WDR17: variants seen among roughly 807,000 people sequenced by gnomAD.
The protein encoded by WDR17 is WD repeat domain 17.
Under a neutral mutation model 161.7 loss-of-function variants are expected in WDR17, and 143 were observed. The ratio of observed to expected loss-of-function variants is 0.88; its 90% CI spans 0.77 to 1.02. WDR17 has a LOEUF of 1.02. WDR17 is among the 50% of genes least tolerant of loss of function. The pLI is 0.00. For missense variants in WDR17, 1,469 were observed against 1,520.9 expected, an observed-to-expected ratio of 0.97 and a Z score of 0.57; for synonymous variants, 517 against 515.6, an observed-to-expected ratio of 1.00 and a Z score of -0.04.
chr4:176,087,854 A>T (rs1019193753), intron 1 of WDR17, among the ~76,000 whole-genome samples: 1 of 148,274 alleles, frequency 6.7e-6, no homozygotes, highest in Non-Finnish European at 1.5e-5. Flanking sequence ...TAATCAATTA[A>T]TTTTTTTTTT....
chr4:176,169,394 A>T (rs999512085), intron 23 of WDR17, among the ~76,000 whole-genome samples: 6 of 152,278 alleles, frequency 3.9e-5, no homozygotes, highest in African/African-American at 1.4e-4. Flanking sequence ...AATCCATTAA[A>T]AATCATGAAG....
intron 11 of WDR17, 100 bp downstream of exon 11, chr4:176,142,169 C>G: frequency 2.4e-6 from 2 of 846,854 alleles, no homozygotes; most frequent in South Asian, 4.2e-5. Flanking sequence ...ATCTATCACT[C>G]TATTTATACA....
At chr4:176,127,373 A>G (rs1258848066) in intron 5 of WDR17, among the ~76,000 whole-genome samples, 1 of 151,634 alleles carries the variant, frequency 6.6e-6, no homozygotes, top group Non-Finnish European at 1.5e-5. Flanking sequence ...GCTCACTGCA[A>G]CCTCCACCTC....
At position 176,177,106 on chromosome 4, in the gene WDR17, T is replaced by A; in HGVS notation, c.3498T>A (p.Tyr1166Ter). ...REVSVPLKIE[Y>*]LSEELDAWRA... ...TGTCAGTACCTTTAAAAATTGAATA[T>A]CTTTCTGAGGAATTGGATGCATGGA... The change falls in exon 27 of 29, where the codon TAT becomes TAA. Residue 1166 changes from tyrosine to a stop codon, truncating the protein, a stop_gained. Transcript: ENST00000508596. LOFTEE classifies it high-confidence loss of function. The A allele has an allele frequency of 6.2e-7, 1 of 1,613,808 alleles. No homozygotes were observed. Among genetic ancestry groups the A allele is most frequent in the Non-Finnish European group, 8.5e-7 (1 of 1,179,874 alleles).
Position 176,163,211 on chromosome 4 carries a change from A to C in WDR17, c.2908A>C (p.Thr970Pro). ...ACTGGAGTTGGCAGTCTGTGTGGGC[A>C]CAGTACTAGGAGAGTCTGCAGCACC... ...NELELAVCVG[T>P]VLGESAAPAT... Residue 970 changes from threonine (T) to proline (P), a missense_variant, in exon 22 of 29, where the codon ACA (threonine) becomes CCA (proline). Transcript: ENST00000508596. The C allele has an allele frequency of 6.2e-7, 1 of 1,614,164 alleles. No homozygotes were observed. Among genetic ancestry groups the C allele is most frequent in the South Asian group, 1.1e-5 (1 of 91,076 alleles).
intron 1 of WDR17, among the ~76,000 whole-genome samples, chr4:176,069,232 CA>C (rs1214524841): frequency 6.6e-6 from 1 of 151,716 alleles, no homozygotes; most frequent in Non-Finnish European, 1.5e-5. Context: ...GTCACATTAT[CA>C]GCTACTTGAG....
chr4:176,156,106 G>A lies in WDR17; in HGVS notation c.2488G>A (p.Gly830Arg), dbSNP rs1013233941. The change falls in exon 18 of 29, where the codon GGA (glycine) becomes AGA (arginine). Residue 830 changes from glycine (G) to arginine (R), a missense_variant. By Grantham distance (125) the Gly-to-Arg change is moderately radical. Coordinates refer to ENST00000508596, the MANE Select transcript of WDR17 (RefSeq NM_181265.4). ...EWDKALSIAP[G>R]VSVKYWKKLM... Reference sequence around the variant, plus strand: ...GGACAAAGCCCTGTCAATTGCACCAGGAGTCTCTGTGAAATACTGGAAGAA... The same window carrying A: ...GGACAAAGCCCTGTCAATTGCACCAAGAGTCTCTGTGAAATACTGGAAGAA... 2 of 1,613,558 alleles carry A rather than the reference G, an allele frequency of 1.2e-6. No homozygotes were observed. The highest frequency in any genetic ancestry group is 1.7e-6 in the Non-Finnish European group (2 of 1,179,806).
chr4:176,075,302 A>G (rs1733821373), intron 1 of WDR17, among the ~76,000 whole-genome samples: 1 of 152,064 alleles, frequency 6.6e-6, no homozygotes, highest in African/African-American at 2.4e-5. Flanking sequence ...TTTTCCCTAA[A>G]TATCAGGAAA....
chr4:176,157,188 ATATT>A (rs1434869210), intron 18 of WDR17, among the ~76,000 whole-genome samples: 3 of 152,102 alleles, frequency 2.0e-5, no homozygotes, highest in African/African-American at 7.2e-5. Context: ...CATTTAACAA[ATATT>A]TATTAATGCC....
In WDR17 at chr4:176,128,793, T is replaced by C. The variant is rs761295460; in HGVS notation, c.846T>C (p.Asp282=). 41 of 1,606,760 alleles carry C rather than the reference T, an allele frequency of 2.6e-5. No homozygotes were observed. The highest frequency in any genetic ancestry group is 3.4e-5 in the Admixed American group (2 of 58,760). Residue 282 remains aspartate, a synonymous_variant, in exon 6 of 29, where the codon GAT becomes GAC. Transcript: ENST00000508596. ...ATGTTTCAAGAACAACACCTATTGATAATCTTAAATTAAAGAAAACAGGAT... is the reference window on the plus strand; with the variant it reads ...ATGTTTCAAGAACAACACCTATTGACAATCTTAAATTAAAGAAAACAGGAT... ...IWNVSRTTPI[D]NLKLKKTGFH...
At chr4:176,159,156 T>G (rs1013544615) in intron 18 of WDR17, among the ~76,000 whole-genome samples, 1 of 152,062 alleles carries the variant, frequency 6.6e-6, no homozygotes, top group Non-Finnish European at 1.5e-5. Flanking sequence ...CTAGCATAAA[T>G]TAAATAGACC....
At chr4:176,120,939 G>A (rs1741478361) in intron 4 of WDR17, among the ~76,000 whole-genome samples, 1 of 151,994 alleles carries the variant, frequency 6.6e-6, no homozygotes, top group Non-Finnish European at 1.5e-5. Flanking sequence ...TGTTTCTAAA[G>A]TTAAAAAGGA....
chr4:176,148,272 G>A lies in WDR17; in HGVS notation c.1834G>A (p.Val612Ile). The change falls in exon 13 of 29, where the codon GTA becomes ATA. Residue 612 changes from valine (V) to isoleucine (I), a missense_variant. Physicochemically the swap from Val to Ile is conservative, Grantham distance 29. Transcript: ENST00000508596. ...TGGCAGCTGGGACTATACTATAAAA[G>A]TATGGGACACTCGAGAAGGAACTTG... is the stretch of plus-strand genomic sequence containing the variant. ...ISGSWDYTIK[V>I]WDTREGTCVD... 6.2e-7 allele frequency: 1 copy of A among 1,614,022 alleles called. No homozygotes were observed.
At chr4:176,099,384 A>G (rs909795354) in intron 1 of WDR17, among the ~76,000 whole-genome samples, 2 of 152,152 alleles carry the variant, frequency 1.3e-5, no homozygotes, top group Non-Finnish European at 2.9e-5. Context: ...GAAGCACAAT[A>G]TGGTCAGGTC....
chr4:176,159,535 T>A (rs1035008408), intron 18 of WDR17, among the ~76,000 whole-genome samples: 3 of 152,186 alleles, frequency 2.0e-5, no homozygotes, highest in African/African-American at 7.2e-5. Flanking sequence ...TTCTATATTC[T>A]CCATCTTAGT....
intron 11 of WDR17, among the ~76,000 whole-genome samples, chr4:176,145,471 C>T (rs1366393431): frequency 6.6e-6 from 1 of 152,206 alleles, no homozygotes; most frequent in Non-Finnish European, 1.5e-5. Flanking sequence ...CCTGTCCAAT[C>T]AGACAACCCT....
At chr4:176,139,332 A>C (rs1339079373) in intron 9 of WDR17, among the ~76,000 whole-genome samples, 2 of 151,944 alleles carry the variant, frequency 1.3e-5, no homozygotes, top group Non-Finnish European at 2.9e-5. Flanking sequence ...TCCATCTATT[A>C]ACTATATCCC....
chr4:176,150,208 C>T, intron 15 of WDR17, 35 bp downstream of exon 15: 1 of 1,603,244 alleles, frequency 6.2e-7, no homozygotes, highest in Non-Finnish European at 8.5e-7. Context: ...GAATATTTTC[C>T]CTTTAGCCAA....
chr4:176,074,763 C>T (rs930442323), intron 1 of WDR17, among the ~76,000 whole-genome samples: 2 of 151,236 alleles, frequency 1.3e-5, no homozygotes, highest in East Asian at 1.9e-4. Flanking sequence ...TTTGTGATTC[C>T]CTGCTACAAG....
Sources: allele counts gnomAD v4.1 joint callset (sites outside exome capture counted in the v4.1 genomes callset), GRCh38; gene constraint gnomAD v4.1.1; transcripts MANE v1.5; gene names NCBI Gene and HGNC (gene_info 2026-07-23, HGNC 2026-07-21).